ACAP2: variants seen among roughly 807,000 people sequenced by gnomAD.
The protein encoded by ACAP2 is arf-GAP with coiled-coil, ANK repeat and PH domain-containing protein 2.
In ACAP2, 39 loss-of-function variants were observed where a neutral mutation model predicts 115.8. That is an observed-to-expected ratio of 0.34 (90% CI 0.26 to 0.44). The LOEUF is 0.44. Ranked by LOEUF, ACAP2 falls within the 20% of genes least tolerant of loss-of-function variation. The probability of loss-of-function intolerance (pLI) is 1.00; values close to 1 mark genes in which losing one functional copy is unlikely to be tolerated. For missense variants in ACAP2, 662 were observed against 927.6 expected (o/e 0.71, Z 3.72); for synonymous variants, 289 against 315.8 (o/e 0.92, Z 0.90).
intron 15 of ACAP2, among the ~76,000 whole-genome samples, chr3:195,300,827 G>A (rs1332066765): frequency 6.6e-6 from 1 of 152,130 alleles, no homozygotes; most frequent in Non-Finnish European, 1.5e-5. Flanking sequence ...GGCCAGTCTG[G>A]GCAACATGGT....
chr3:195,428,599 T>A (rs1408886586), intron 1 of ACAP2, among the ~76,000 whole-genome samples: 1 of 152,146 alleles, frequency 6.6e-6, no homozygotes, highest in African/African-American at 2.4e-5. Flanking sequence ...TCATATACCC[T>A]AGATGTGTAG....
intron 20 of ACAP2, 95 bp downstream of exon 20, chr3:195,291,611 A>C: frequency 1.6e-5 from 14 of 879,514 alleles, no homozygotes; most frequent in Non-Finnish European, 2.3e-5. Context: ...CTTTACAAAC[A>C]CTACCTGAAA....
At chr3:195,347,498 C>T (rs149194526) in intron 4 of ACAP2, among the ~76,000 whole-genome samples, 415 of 152,178 alleles carry the variant, frequency 2.7e-3, no homozygotes, top group African/African-American at 9.5e-3. Context: ...ATAGAAAAAG[C>T]ATAACTACTT....
intron 10 of ACAP2, among the ~76,000 whole-genome samples, chr3:195,310,522 A>G (rs762543538): frequency 6.6e-6 from 1 of 152,256 alleles, no homozygotes; most frequent in Non-Finnish European, 1.5e-5. Flanking sequence ...AGTAGGGTGA[A>G]CTGTAGTCAT....
chr3:195,340,149 GT>G (rs1367262188), intron 6 of ACAP2, among the ~76,000 whole-genome samples: 1 of 151,204 alleles, frequency 6.6e-6, no homozygotes, highest in Non-Finnish European at 1.5e-5. Context: ...ACAAGAAACA[GT>G]AAGACTTAGG....
chr3:195,404,674 C>CAT (rs1218087172), intron 1 of ACAP2, among the ~76,000 whole-genome samples: 2 of 149,580 alleles, frequency 1.3e-5, no homozygotes, highest in African/African-American at 2.5e-5. Flanking sequence ...CACACACACA[C>CAT]ATATATATTT....
intron 21 of ACAP2, among the ~76,000 whole-genome samples, chr3:195,288,797 G>A (rs1392650412): frequency 6.6e-6 from 1 of 152,140 alleles, no homozygotes; most frequent in Admixed American, 6.5e-5. Flanking sequence ...GGTGGAGGTT[G>A]CAGGGAGCCG....
chr3:195,363,503 G>A (rs757694510), intron 4 of ACAP2, among the ~76,000 whole-genome samples: 44 of 151,962 alleles, frequency 2.9e-4, no homozygotes, highest in Non-Finnish European at 2.1e-4. Flanking sequence ...TTAACTAGGC[G>A]TGGTGGCACG....
intron 8 of ACAP2, among the ~76,000 whole-genome samples, chr3:195,327,216 C>T (rs1729856022): frequency 6.6e-6 from 1 of 152,040 alleles, no homozygotes; most frequent in Non-Finnish European, 1.5e-5. Flanking sequence ...GATTGCAGAC[C>T]GTGTCACAGG....
At chr3:195,441,013 AG>A (rs1715948984) in intron 1 of ACAP2, among the ~76,000 whole-genome samples, 1 of 152,180 alleles carries the variant, frequency 6.6e-6, no homozygotes, top group Non-Finnish European at 1.5e-5. Context: ...CAACTTAATC[AG>A]TATGTTGCCC....
intron 2 of ACAP2, among the ~76,000 whole-genome samples, chr3:195,389,268 AGT>A (rs1734499826): frequency 6.6e-6 from 1 of 152,128 alleles, no homozygotes; most frequent in Admixed American, 6.6e-5. Context: ...AGATTCTAGC[AGT>A]GTGTGTGCCC....
intron 4 of ACAP2, among the ~76,000 whole-genome samples, chr3:195,369,741 T>C (rs1376332528): frequency 1.3e-5 from 2 of 152,210 alleles, no homozygotes; most frequent in African/African-American, 4.8e-5. Flanking sequence ...GTCTCTATGG[T>C]AGAATGATTT....
chr3:195,374,841 T>G (rs920592580), intron 4 of ACAP2, among the ~76,000 whole-genome samples: 1 of 151,230 alleles, frequency 6.6e-6, no homozygotes, highest in Non-Finnish European at 1.5e-5. Context: ...CAGCATCCCA[T>G]AGAAGACCTT....
chr3:195,339,399 C>T (rs547622010), intron 6 of ACAP2, among the ~76,000 whole-genome samples: 271 of 151,290 alleles, frequency 1.8e-3, no homozygotes, highest in African/African-American at 6.3e-3. Context: ...TTTGATATGT[C>T]TTTTTTTCTA....
At chr3:195,396,434 T>C (rs1296842388) in intron 1 of ACAP2, among the ~76,000 whole-genome samples, 2 of 152,120 alleles carry the variant, frequency 1.3e-5, no homozygotes, top group Non-Finnish European at 2.9e-5. Flanking sequence ...TTAAAATAAC[T>C]AAATACATTA....
intron 18 of ACAP2, among the ~76,000 whole-genome samples, chr3:195,293,099 A>G (rs1460293307): frequency 6.6e-6 from 1 of 152,158 alleles, no homozygotes; most frequent in Non-Finnish European, 1.5e-5. Flanking sequence ...ACAATCACTG[A>G]TATGCCAGGC....
chr3:195,341,238 T>G (rs1730844132), intron 6 of ACAP2, among the ~76,000 whole-genome samples: 1 of 152,034 alleles, frequency 6.6e-6, no homozygotes. Context: ...TAAATTAGAC[T>G]GGAAGATCAC....
intron 4 of ACAP2, among the ~76,000 whole-genome samples, chr3:195,361,885 G>T (rs1469699417): frequency 6.6e-6 from 1 of 152,120 alleles, no homozygotes; most frequent in Non-Finnish European, 1.5e-5. Context: ...AGGCTACTAT[G>T]AACAACTATG....
chr3:195,300,414 GTAAAC>G (rs1349875585), intron 15 of ACAP2, among the ~76,000 whole-genome samples: 2 of 152,078 alleles, frequency 1.3e-5, no homozygotes, highest in African/African-American at 4.8e-5. Context: ...CTACAATATG[GTAAAC>G]TAGATGGCAG....
Sources: allele counts gnomAD v4.1 joint callset (sites outside exome capture counted in the v4.1 genomes callset), GRCh38; gene constraint gnomAD v4.1.1; transcripts MANE v1.5; gene names NCBI Gene and HGNC (gene_info 2026-07-23, HGNC 2026-07-21).